APBA2: variants seen among roughly 807,000 people sequenced by gnomAD.
APBA2 encodes the protein amyloid-beta A4 precursor protein-binding family A member 2.
A neutral mutation model predicts 75.0 loss-of-function variants in APBA2; 30 were observed. The observed-to-expected ratio is 0.40, with a 90% confidence interval of 0.30 to 0.54. APBA2 has a LOEUF of 0.54. APBA2 is among the 20% of genes least tolerant of loss of function. The probability of loss-of-function intolerance (pLI) is 0.49; values close to 1 mark genes in which losing one functional copy is unlikely to be tolerated. For synonymous variants in APBA2, 444 were observed against 409.6 expected (o/e 1.08, Z -1.01); for missense variants, 801 against 1,016.1 (o/e 0.79, Z 2.88).
chr15:29,049,132 G>A (rs978157121), intron 3 of APBA2, among the ~76,000 whole-genome samples: 10 of 152,122 alleles, frequency 6.6e-5, no homozygotes, highest in Non-Finnish European at 1.5e-5. Context: ...AAGCTGTGGT[G>A]CCCACACTTT....
At chr15:28,995,524 A>G (rs1245384296) in intron 2 of APBA2, among the ~76,000 whole-genome samples, 1 of 152,248 alleles carries the variant, frequency 6.6e-6, no homozygotes, top group Non-Finnish European at 1.5e-5. Flanking sequence ...TTATTTGCCC[A>G]ACACATTGTT....
chr15:28,937,935 G>T (rs2034974439), intron 2 of APBA2, among the ~76,000 whole-genome samples: 1 of 152,160 alleles, frequency 6.6e-6, no homozygotes, highest in Non-Finnish European at 1.5e-5. Flanking sequence ...GGGATTACAG[G>T]CATGAGCCAC....
intron 2 of APBA2, among the ~76,000 whole-genome samples, chr15:28,951,881 C>CTTTTTTTTTTTTTT (rs71414600): frequency 1.8e-5 from 2 of 109,824 alleles, no homozygotes. Flanking sequence ...TGCACTCAGC[C>CTTTTTTTTTTTTTT]TTTTTTTTTT....
chr15:29,076,317 C>G (rs1224435245), intron 6 of APBA2, among the ~76,000 whole-genome samples: 3 of 152,144 alleles, frequency 2.0e-5, no homozygotes, highest in African/African-American at 7.2e-5. Flanking sequence ...TAGACGATCT[C>G]CTTTAATTAT....
chr15:29,077,832 A>G (rs532823466), intron 6 of APBA2, among the ~76,000 whole-genome samples: 2 of 152,346 alleles, frequency 1.3e-5, no homozygotes, highest in South Asian at 4.1e-4. Flanking sequence ...ATGGACCAAA[A>G]TCTTACTCAG....
chr15:29,014,854 A>T (rs770458380), intron 3 of APBA2, among the ~76,000 whole-genome samples: 4 of 152,102 alleles, frequency 2.6e-5, no homozygotes, highest in Non-Finnish European at 5.9e-5. Context: ...CTACAGGTAC[A>T]TGGCACCAGG....
chr15:29,065,971 C>T (rs917680255), intron 4 of APBA2, among the ~76,000 whole-genome samples: 13 of 152,090 alleles, frequency 8.5e-5, no homozygotes, highest in Admixed American at 3.3e-4. Flanking sequence ...AAGAGCTGCT[C>T]GGGTGTGACG....
At chr15:29,110,049 C>A (rs1034836584) in intron 13 of APBA2, among the ~76,000 whole-genome samples, 2 of 152,252 alleles carry the variant, frequency 1.3e-5, no homozygotes, top group Admixed American at 6.5e-5. Flanking sequence ...CAAGCAGTTG[C>A]CCCAGCTAAT....
chr15:28,933,832 A>G (rs56395317), intron 2 of APBA2, among the ~76,000 whole-genome samples: 48,054 of 152,144 alleles, frequency 0.32, 12,630 homozygotes, highest in African/African-American at 0.7. Flanking sequence ...CTCCCCTCAA[A>G]GAGTCCACTA....
intron 1 of APBA2, among the ~76,000 whole-genome samples, chr15:28,889,034 G>C (rs2031952995): frequency 6.6e-6 from 1 of 152,120 alleles, no homozygotes; most frequent in Non-Finnish European, 1.5e-5. Context: ...GGTGCTCTTT[G>C]TTCCCTTGGG....
chr15:29,049,312 C>T (rs1309324682), intron 3 of APBA2, among the ~76,000 whole-genome samples: 1 of 152,144 alleles, frequency 6.6e-6, no homozygotes. Flanking sequence ...TGAAGCTGCT[C>T]CCTACCTTGT....
intron 4 of APBA2, among the ~76,000 whole-genome samples, chr15:29,060,211 G>A (rs975134907): frequency 6.6e-6 from 1 of 152,290 alleles, no homozygotes; most frequent in African/African-American, 2.4e-5. Context: ...GGTGCCGGTG[G>A]AGGTGGCAGC....
chr15:28,983,073 T>C (rs2037709485), intron 2 of APBA2, among the ~76,000 whole-genome samples: 1 of 152,128 alleles, frequency 6.6e-6, no homozygotes, highest in Admixed American at 6.5e-5. Flanking sequence ...TCCCCACTGA[T>C]GGAGTTAGCT....
At chr15:28,979,710 C>T (rs1428205953) in intron 2 of APBA2, among the ~76,000 whole-genome samples, 1 of 152,182 alleles carries the variant, frequency 6.6e-6, no homozygotes, top group East Asian at 1.9e-4. Flanking sequence ...CTTGGCAGGG[C>T]AGCCAAGTTG....
At chr15:28,899,061 T>C (rs2032683896) in intron 1 of APBA2, among the ~76,000 whole-genome samples, 1 of 152,252 alleles carries the variant, frequency 6.6e-6, no homozygotes, top group African/African-American at 2.4e-5. Flanking sequence ...CGTTATGTGG[T>C]TGCAGTTGAG....
At chr15:28,996,150 C>T (rs1008027413) in intron 3 of APBA2, among the ~76,000 whole-genome samples, 2 of 152,290 alleles carry the variant, frequency 1.3e-5, no homozygotes, top group Admixed American at 6.5e-5. Context: ...CAGACTCAGT[C>T]ATTGATTTGT....
chr15:28,988,565 G>A lies in APBA2; in HGVS notation c.-94-7188G>A, dbSNP rs769421917. ...AGGCCTGAGCCACCGCGCCCATCCA[G>A]TGTGCCTTTTTTGCTTAACATTATG... On this transcript the variant is annotated intron_variant, in intron 2 of 14. Transcript: ENST00000683413. Among the ~76,000 whole-genome samples, 15 of 152,340 alleles carry A rather than the reference G, an allele frequency of 9.8e-5. No homozygotes were observed. The South Asian group carries it at 1.4e-3, about 15-fold the overall frequency.
At chr15:29,005,864 A>AAAATAAATAAATAAATAAAT (rs3054523) in intron 3 of APBA2, among the ~76,000 whole-genome samples, 41 of 151,438 alleles carry the variant, frequency 2.7e-4, no homozygotes, top group African/African-American at 9.8e-4. Flanking sequence ...ACTCTGTCTC[A>AAAATAAATAAATAAATAAAT]AAATAAATAA....
intron 4 of APBA2, among the ~76,000 whole-genome samples, chr15:29,068,119 A>G (rs956116438): frequency 7.2e-5 from 11 of 152,218 alleles, no homozygotes; most frequent in African/African-American, 2.7e-4. Context: ...GCTCGAGGCC[A>G]AGTGTGGAGG....
Sources: allele counts gnomAD v4.1 joint callset (sites outside exome capture counted in the v4.1 genomes callset), GRCh38; gene constraint gnomAD v4.1.1; transcripts MANE v1.5; gene names NCBI Gene and HGNC (gene_info 2026-07-23, HGNC 2026-07-21).